The following LHPP variants were observed in gnomAD, a reference collection of about 807,000 sequenced individuals.
LHPP encodes the protein hLHPP.
In LHPP, 24 loss-of-function variants were observed where a neutral mutation model predicts 30.3. The observed-to-expected ratio is 0.79, with a 90% CI of 0.57 to 1.11. The LOEUF is 1.11. LHPP is among the 50% of genes most tolerant of loss of function. The pLI, the probability that LHPP is intolerant of heterozygous loss-of-function variation, is 0.00. For synonymous variants in LHPP, 150 were observed against 157.1 expected (o/e 0.95, Z 0.34); for missense variants, 356 against 367.2 (o/e 0.97, Z 0.25).
At chr10:124,567,947 T>G (rs1306439011) in intron 6 of LHPP, among the ~76,000 whole-genome samples, 2 of 152,210 alleles carry the variant, frequency 1.3e-5, no homozygotes, top group East Asian at 3.9e-4. Context: ...GGAGTCTCGC[T>G]CTGTCGCCAG....
At chr10:124,598,189 A>G in intron 6 of LHPP, among the ~76,000 whole-genome samples, 1 of 152,248 alleles carries the variant, frequency 6.6e-6, no homozygotes, top group East Asian at 1.9e-4. Flanking sequence ...CCCCAGTGGG[A>G]GGACTCTCAA....
chr10:124,528,415 A>G (rs1244070971), intron 6 of LHPP, among the ~76,000 whole-genome samples: 3 of 151,220 alleles, frequency 2.0e-5, no homozygotes, highest in African/African-American at 7.3e-5. Flanking sequence ...CTGGAGTGCA[A>G]TGGTGCGATC....
intron 6 of LHPP, among the ~76,000 whole-genome samples, chr10:124,530,949 G>C (rs1358652606): frequency 1.3e-5 from 2 of 152,320 alleles, no homozygotes; most frequent in East Asian, 3.9e-4. Context: ...TTGTCAGAGA[G>C]AGGCCTAAGA....
At chr10:124,503,935 T>C (rs552507558) in intron 5 of LHPP, among the ~76,000 whole-genome samples, 4 of 152,312 alleles carry the variant, frequency 2.6e-5, no homozygotes, top group Admixed American at 2.6e-4. Flanking sequence ...CTCACACCTG[T>C]AATCTCAGCA....
chr10:124,482,641 G>A (rs961046341), intron 1 of LHPP, among the ~76,000 whole-genome samples: 3 of 151,802 alleles, frequency 2.0e-5, no homozygotes, highest in Non-Finnish European at 2.9e-5. Flanking sequence ...GACCCACCCC[G>A]CCTGCCTCTG....
intron 6 of LHPP, among the ~76,000 whole-genome samples, chr10:124,531,552 T>C (rs1252009969): frequency 6.6e-6 from 1 of 152,258 alleles, no homozygotes; most frequent in African/African-American, 2.4e-5. Flanking sequence ...CCTGGAGCAC[T>C]TCCCTGTCCT....
At chr10:124,498,200 T>A in intron 5 of LHPP, 72 bp downstream of exon 5, 1 of 1,375,336 alleles carries the variant, frequency 7.3e-7, no homozygotes, top group Non-Finnish European at 1.0e-6. Flanking sequence ...TTGGAATGGA[T>A]TACAGGACTC....
At chr10:124,505,472 G>A (rs1368394965) in intron 5 of LHPP, among the ~76,000 whole-genome samples, 1 of 152,062 alleles carries the variant, frequency 6.6e-6, no homozygotes, top group Non-Finnish European at 1.5e-5. Context: ...TTTTCAGTCT[G>A]CACTCAGAAT....
chr10:124,577,677 C>A (rs1948681709), intron 6 of LHPP, among the ~76,000 whole-genome samples: 1 of 152,058 alleles, frequency 6.6e-6, no homozygotes, highest in Non-Finnish European at 1.5e-5. Flanking sequence ...TGCACACATA[C>A]ATGCACACAT....
intron 6 of LHPP, among the ~76,000 whole-genome samples, chr10:124,521,602 G>A (rs1954613856): frequency 6.6e-6 from 1 of 152,054 alleles, no homozygotes; most frequent in Admixed American, 6.5e-5. Flanking sequence ...GGGAGGAGGG[G>A]TGGCCTTGTC....
chr10:124,489,674 A>G (rs891965123), intron 3 of LHPP: 6 of 154,670 alleles, frequency 3.9e-5, no homozygotes, highest in Non-Finnish European at 5.7e-5. Context: ...GGATGGTCTC[A>G]ATCTCCTGAC....
rs556941315 is a variant in LHPP at position 124,466,786 on chromosome 10, T to C, written c.125+4799T>C. On this transcript the variant is annotated intron_variant, in intron 1 of 6. Coordinates refer to ENST00000368842, the MANE Select transcript of LHPP (RefSeq NM_022126.4). ...TATCATTTTTAAGATTTTTAAACTATGTGAATGTGTTTTCTATTCAAAATA... is the reference window on the plus strand; with the variant it reads ...TATCATTTTTAAGATTTTTAAACTACGTGAATGTGTTTTCTATTCAAAATA... Among the ~76,000 whole-genome samples the C allele has an allele frequency of 2.0e-5, 3 of 152,130 alleles. No individual in the cohort carries two copies. In the South Asian group the frequency reaches 6.3e-4, roughly 32 times the overall value.
rs1254690906 is a variant in LHPP, at chr10:124,484,144, A to G, written c.131A>G (p.Lys44Arg). The change falls in exon 2 of 7, where the codon AAG (lysine) becomes AGG (arginine). Residue 44 changes from lysine (K) to arginine (R), a missense_variant. Lys to Arg is a conservative substitution (Grantham distance 26). Transcript: ENST00000368842. ...AGSVEAVARLKRSRLKVRFCT... is the reference protein window; with the variant it reads ...AGSVEAVARLRRSRLKVRFCT... ...CTGTGTCTCCCCTGCCGCAGACTGAAGCGTTCCCGGCTGAAGGTGAGGTTC... is the reference window on the plus strand; with the variant it reads ...CTGTGTCTCCCCTGCCGCAGACTGAGGCGTTCCCGGCTGAAGGTGAGGTTC... 3 of 1,613,638 alleles carry G rather than the reference A, an allele frequency of 1.9e-6. No individual in the cohort carries two copies. In the African/African-American group the frequency reaches 4.0e-5, roughly 22 times the overall value.
chr10:124,467,513 CT>C (rs1257293886), intron 1 of LHPP, among the ~76,000 whole-genome samples: 18 of 147,452 alleles, frequency 1.2e-4, no homozygotes, highest in Admixed American at 8.1e-4. Context: ...ACTTTCTTTT[CT>C]TTTTCTTTTT....
At chr10:124,506,500 A>G (rs1407085555) in intron 5 of LHPP, among the ~76,000 whole-genome samples, 1 of 151,492 alleles carries the variant, frequency 6.6e-6, no homozygotes, top group Non-Finnish European at 1.5e-5. Context: ...GGTTACGGAG[A>G]ACTCTAGTAC....
chr10:124,518,064 G>A (rs552473076), intron 6 of LHPP, among the ~76,000 whole-genome samples: 32 of 152,348 alleles, frequency 2.1e-4, no homozygotes, highest in African/African-American at 6.3e-4. Context: ...TGCTTAGGCA[G>A]GACCAGAGAA....
chr10:124,572,379 C>T (rs1443951365), intron 6 of LHPP, among the ~76,000 whole-genome samples: 1 of 152,008 alleles, frequency 6.6e-6, no homozygotes, highest in Non-Finnish European at 1.5e-5. Context: ...GCCTGTAATC[C>T]CAGCACTTTG....
At chr10:124,484,407 C>G in intron 2 of LHPP, 81 bp downstream of exon 2, 3 of 1,363,740 alleles carry the variant, frequency 2.2e-6, no homozygotes, top group Middle Eastern at 2.5e-4. Flanking sequence ...GAGCCTCTTT[C>G]ACTGGGCCAA....
chr10:124,612,575 T>C (rs1217245840), intron 6 of LHPP, among the ~76,000 whole-genome samples: 2 of 152,256 alleles, frequency 1.3e-5, no homozygotes, highest in Admixed American at 6.5e-5. Context: ...CCCGGAGGCC[T>C]CTGCACTGTC....
Sources: allele counts gnomAD v4.1 joint callset (sites outside exome capture counted in the v4.1 genomes callset), GRCh38; gene constraint gnomAD v4.1.1; transcripts MANE v1.5; gene names NCBI Gene and HGNC (gene_info 2026-07-23, HGNC 2026-07-21).